The following BSDC1 variants were observed in gnomAD, a reference collection of about 807,000 sequenced individuals.
The protein encoded by BSDC1 is BSD domain containing 1, also known as BSD domain-containing protein 1.
In BSDC1, 29 loss-of-function variants were observed where a neutral mutation model predicts 56.0. That is an observed-to-expected ratio of 0.52 (90% CI 0.39 to 0.71). The LOEUF (loss-of-function observed/expected upper bound fraction) is 0.71. Ranked by LOEUF, BSDC1 falls within the 30% of genes least tolerant of loss-of-function variation. The probability of loss-of-function intolerance (pLI) is 0.00; values close to 1 mark genes in which losing one functional copy is unlikely to be tolerated. For missense variants in BSDC1, 477 were observed against 548.5 expected, an observed-to-expected ratio of 0.87 and a Z score of 1.30; for synonymous variants, 210 against 215.3, an observed-to-expected ratio of 0.98 and a Z score of 0.21.
Position 32,394,121 on chromosome 1 carries a change from G to C in BSDC1, c.31C>G (p.Arg11Gly). 6.2e-7 allele frequency: 1 copy of C among 1,609,648 alleles called. No individual in the cohort carries two copies. Among genetic ancestry groups the C allele is most frequent in the Non-Finnish European group, 8.5e-7 (1 of 1,178,118 alleles). ...TGGTAGCTCTGCTGCAGCCAGCTCC[G>C]CCACCATCCCACGTCCTCCCTGTGG... MAEGEDVGWW[R>G]SWLQQSYQAV... The change falls in exon 2 of 11, where the codon CGG (arginine) becomes GGG (glycine). Residue 11 changes from arginine to glycine, a missense_variant. Coordinates refer to ENST00000455895, the MANE Select transcript of BSDC1 (RefSeq NM_018045.8).
intron 2 of BSDC1, 40 bp from the exon 3 acceptor site, chr1:32,386,935 C>CTGG: frequency 6.7e-7 from 1 of 1,496,630 alleles, no homozygotes; most frequent in Non-Finnish European, 9.3e-7. Context: ...CCAGCTGGCC[C>CTGG]CACCACCCCT....
At chr1:32,394,257 C>T (rs1642974683) in intron 1 of BSDC1, 117 bp from the exon 2 acceptor site, 28 of 1,550,746 alleles carry the variant, frequency 1.8e-5, no homozygotes, top group Non-Finnish European at 2.4e-5. Flanking sequence ...ACCGCTTGCC[C>T]ACCCCCTCAC....
At chr1:32,383,016 A>T (rs1376335593) in intron 4 of BSDC1, among the ~76,000 whole-genome samples, 1 of 152,224 alleles carries the variant, frequency 6.6e-6, no homozygotes, top group East Asian at 1.9e-4. Context: ...CCAAATGTGG[A>T]GATTATGCCT....
At chr1:32,384,395 C>T (rs1474863271) in intron 3 of BSDC1, among the ~76,000 whole-genome samples, 3 of 152,170 alleles carry the variant, frequency 2.0e-5, no homozygotes, top group Admixed American at 6.5e-5. Context: ...CCTTGCTCTA[C>T]CACTTGTTGG....
intron 10 of BSDC1, chr1:32,367,564 G>C (rs1641897826): frequency 1.0e-6 from 1 of 985,286 alleles, no homozygotes; most frequent in Non-Finnish European, 1.2e-6. Context: ...TGGTTCTTAT[G>C]TGACAGTGGA....
intron 3 of BSDC1, chr1:32,386,405 A>G (rs920911498): frequency 1.8e-5 from 3 of 168,214 alleles, no homozygotes; most frequent in African/African-American, 7.2e-5. Context: ...TAAGTGATAC[A>G]CCCCCAAAAT....
At chr1:32,366,999 C>G in intron 10 of BSDC1, 1 of 1,053,990 alleles carries the variant, frequency 9.5e-7, no homozygotes, top group Non-Finnish European at 1.1e-6. Context: ...AATGCCATGG[C>G]TCTGAGAAGC....
At chr1:32,393,946 C>G (rs749892981) in intron 2 of BSDC1, 134 bp downstream of exon 2, 34 of 790,438 alleles carry the variant, frequency 4.3e-5, no homozygotes, top group Middle Eastern at 3.5e-4. Flanking sequence ...CCGGTAGAGG[C>G]TAAAAGAAAG....
chr1:32,389,710 T>C (rs1267458256), intron 2 of BSDC1, among the ~76,000 whole-genome samples: 1 of 152,028 alleles, frequency 6.6e-6, no homozygotes, highest in Non-Finnish European at 1.5e-5. Context: ...CCCAGCACTT[T>C]GGGAAGCCGA....
chr1:32,393,291 G>A (rs1234468498), intron 2 of BSDC1, among the ~76,000 whole-genome samples: 4 of 152,204 alleles, frequency 2.6e-5, no homozygotes, highest in African/African-American at 9.6e-5. Context: ...ATCCCACAGA[G>A]ATTGTTCAGC....
rs535813849 is a variant in BSDC1, at chr1:32,371,532, G to A, written c.1157-2982C>T. On this transcript the variant is annotated intron_variant, in intron 9 of 10. Coordinates refer to ENST00000455895, the MANE Select transcript of BSDC1 (RefSeq NM_018045.8). ...TCACCGTGTTAGCCAGGATGGTCTCGATCTCCTGACCTCGTGATCTGCCCG... is the reference window on the plus strand; with the variant it reads ...TCACCGTGTTAGCCAGGATGGTCTCAATCTCCTGACCTCGTGATCTGCCCG... Among the ~76,000 whole-genome samples the A allele has an allele frequency of 2.0e-3, 309 of 151,890 alleles. 4 individuals carry two copies. Among genetic ancestry groups the A allele is most frequent in the East Asian group, 1.6e-3 (8 of 5,158 alleles).
intron 4 of BSDC1, among the ~76,000 whole-genome samples, chr1:32,382,176 G>A (rs112206435): frequency 4.7e-5 from 7 of 149,834 alleles, no homozygotes; most frequent in South Asian, 2.1e-4. Context: ...GCAGTGAGCC[G>A]AGATTGCTCC....
Position 32,394,438 on chromosome 1 carries a change from A to T in BSDC1, c.-24T>A. 1 of 1,613,900 alleles carries T rather than the reference A, an allele frequency of 6.2e-7. No homozygotes were observed. The highest frequency in any genetic ancestry group is 8.5e-7 in the Non-Finnish European group (1 of 1,179,972). On this transcript the variant is annotated 5_prime_UTR_variant, in exon 1 of 11. Coordinates refer to ENST00000455895, the MANE Select transcript of BSDC1 (RefSeq NM_018045.8). The stretch of plus-strand genomic sequence containing the variant: ...ATCTTGCCTGCATGACATCACCACT[A>T]TTTACTGACCTTTGACTTCCGACAC...
In BSDC1 at chr1:32,389,148, A is replaced by G. The variant is rs140315112; in HGVS notation, c.73-2253T>C. Among the ~76,000 whole-genome samples, 1,277 of 151,790 alleles carry G rather than the reference A, an allele frequency of 8.4e-3. 19 individuals carry two copies. The highest frequency in any genetic ancestry group is 0.029 in the African/African-American group (1,195 of 41,410). On this transcript the variant is annotated intron_variant, in intron 2 of 10. Transcript: ENST00000455895. ...TTTTTGTATTTTTAGTAGAGACGGG[A>G]TTTCACTGTGTTAGCCAGGATGGTC... is the stretch of plus-strand genomic sequence containing the variant.
chr1:32,385,557 T>C (rs1642633673), intron 3 of BSDC1, among the ~76,000 whole-genome samples: 1 of 152,042 alleles, frequency 6.6e-6, no homozygotes, highest in Admixed American at 6.6e-5. Context: ...TGAAACCCTA[T>C]CTCTACAAAA....
At position 32,394,102 on chromosome 1, in the gene BSDC1, C is replaced by T. The variant is rs758111936; in HGVS notation, c.50G>A (p.Ser17Asn). 1.2e-6 allele frequency: 2 copies of T among 1,610,430 alleles called. No individual in the cohort carries two copies. Among genetic ancestry groups the T allele is most frequent in the East Asian group, 2.2e-5 (1 of 44,720 alleles). The change falls in exon 2 of 11, where the codon AGC becomes AAC. Residue 17 changes from serine to asparagine, a missense_variant. By Grantham distance (46) the Ser-to-Asn change is conservative. Transcript: ENST00000455895. ...TACCTTCTCTTTGACTGCTTGGTAGCTCTGCTGCAGCCAGCTCCGCCACCA... is the reference window on the plus strand; with the variant it reads ...TACCTTCTCTTTGACTGCTTGGTAGTTCTGCTGCAGCCAGCTCCGCCACCA... Reference protein sequence around the residue: ...VGWWRSWLQQSYQAVKEKSSE... With the variant: ...VGWWRSWLQQNYQAVKEKSSE...
intron 3 of BSDC1, among the ~76,000 whole-genome samples, chr1:32,384,444 A>G (rs1271386204): frequency 6.6e-6 from 1 of 152,154 alleles, no homozygotes; most frequent in Admixed American, 6.6e-5. Context: ...CAGTTTCCTT[A>G]TTATAAAATG....
At chr1:32,369,971 AT>A (rs1642012254) in intron 9 of BSDC1, among the ~76,000 whole-genome samples, 1 of 143,806 alleles carries the variant, frequency 7.0e-6, no homozygotes, top group Non-Finnish European at 1.5e-5. Context: ...TAATTTTTGT[AT>A]TTTTACTTAT....
At position 32,386,965 on chromosome 1, in the gene BSDC1, T is replaced by C. The variant is rs1570164001; in HGVS notation, c.73-70A>G. 3 of 1,210,562 alleles carry C rather than the reference T, an allele frequency of 2.5e-6. No homozygotes were observed. In the East Asian group the frequency reaches 7.0e-5, roughly 28 times the overall value. The allele number at this position is 1,210,562 out of a possible 1,614,324, so 75.0% of individuals were successfully genotyped here. A position where few individuals can be genotyped will look rare whatever the true frequency, so the allele number is the denominator to read the frequency against. On this transcript the variant is annotated intron_variant, in intron 2 of 10. Coordinates refer to ENST00000455895, the MANE Select transcript of BSDC1 (RefSeq NM_018045.8). ...ACCCCTTGTTCCTGTTCCCTGTGTT[T>C]CTTCAGTACCAGACAGACAAATGGA...
Sources: allele counts gnomAD v4.1 joint callset (sites outside exome capture counted in the v4.1 genomes callset), GRCh38; gene constraint gnomAD v4.1.1; transcripts MANE v1.5; gene names NCBI Gene and HGNC (gene_info 2026-07-23, HGNC 2026-07-21).